Variants in SPTA1 observed in about 807,000 individuals in gnomAD.
SPTA1 encodes spectrin alpha chain, erythrocytic 1.
A neutral mutation model predicts 324.7 loss-of-function variants in SPTA1; 177 were observed. The ratio of observed to expected loss-of-function variants is 0.55; its 90% CI spans 0.48 to 0.62. The LOEUF (loss-of-function observed/expected upper bound fraction) is 0.62. SPTA1 is among the 20% of genes least tolerant of loss of function. SPTA1 has a pLI of 0.00. For synonymous variants in SPTA1, 1,195 were observed against 1,041.3 expected (o/e 1.15, Z -2.84); for missense variants, 3,162 against 2,883.6 (o/e 1.10, Z -2.21).
rs1328366271 is a variant in SPTA1, at chr1:158,627,871, A to G, written c.5566-148T>C. ...AATGCCCACTTTTTCTGGAATAACT[A>G]TACTCAATTGCTTTCTCAAATTCTC... On this transcript the variant is annotated intron_variant, in intron 39 of 51. Transcript: ENST00000643759. 2.4e-5 allele frequency: 18 copies of G among 745,878 alleles called. No individual in the cohort carries two copies. In the South Asian group the frequency reaches 2.6e-4, roughly 11 times the overall value. 46.2% of individuals were successfully genotyped at this position (745,878 alleles called of 1,614,324 possible).
chr1:158,645,119 T>C, intron 29 of SPTA1, 69 bp downstream of exon 29: 1 of 1,539,310 alleles, frequency 6.5e-7, no homozygotes, highest in Non-Finnish European at 9.0e-7. Context: ...GAGCCTGTAA[T>C]GACCATATGA....
In SPTA1 at chr1:158,656,665, A is replaced by G. The variant is rs777841661; in HGVS notation, c.2806-9T>C. The G allele has an allele frequency of 1.9e-6, 3 of 1,607,866 alleles. No homozygotes were observed. Among genetic ancestry groups the G allele is most frequent in the Admixed American group, 1.7e-5 (1 of 60,022 alleles). On this transcript the variant is annotated splice_polypyrimidine_tract_variant and intron_variant, in intron 19 of 51. Transcript: ENST00000643759. ...TGCTTCTTTAGAAGAGCCTGCATTT[A>G]TTGATGGAAGATCATCAGAATGAAT...
At chr1:158,620,147 G>T in intron 44 of SPTA1, 23 bp downstream of exon 44, 1 of 1,613,964 alleles carries the variant, frequency 6.2e-7, no homozygotes, top group Non-Finnish European at 8.5e-7. Flanking sequence ...GTGAAAGGAA[G>T]TTTCTGCCGT....
chr1:158,683,476 T>A lies in SPTA1; in HGVS notation c.285A>T (p.Gln95His). Residue 95 changes from glutamine (Q) to histidine (H), a missense_variant, in exon 3 of 52, where the codon CAA becomes CAT. Physicochemically the swap from Gln to His is conservative, Grantham distance 24. Transcript: ENST00000643759. ...TTGTTTGCACCTCTGCTTCAAGGGA[T>A]TGATGCTTCTGATATTTCCCCTAAA... ...TNIQGKYQKHQSLEAEVQTKS... is the reference protein window; with the variant it reads ...TNIQGKYQKHHSLEAEVQTKS... 1.2e-6 allele frequency: 2 copies of A among 1,613,214 alleles called. No homozygotes were observed. Among genetic ancestry groups the A allele is most frequent in the Non-Finnish European group, 1.7e-6 (2 of 1,179,416 alleles).
intron 36 of SPTA1, among the ~76,000 whole-genome samples, chr1:158,637,145 A>C (rs1340776728): frequency 6.6e-6 from 1 of 152,210 alleles, no homozygotes; most frequent in Non-Finnish European, 1.5e-5. Context: ...TATTAATGTC[A>C]ATAATAAATT....
chr1:158,635,874 A>C, intron 38 of SPTA1, 39 bp downstream of exon 38: 1 of 1,614,024 alleles, frequency 6.2e-7, no homozygotes. Flanking sequence ...CAATATCCAA[A>C]ATCCAGGAAG....
At chr1:158,634,512 A>C (rs1650913647) in intron 39 of SPTA1, 31 bp downstream of exon 39, 2 of 1,612,880 alleles carry the variant, frequency 1.2e-6, no homozygotes, top group Non-Finnish European at 1.7e-6. Flanking sequence ...ATTGAAGAGA[A>C]GAAAATTGAT....
intron 27 of SPTA1, among the ~76,000 whole-genome samples, chr1:158,645,849 T>G (rs1355011822): frequency 6.6e-6 from 1 of 152,192 alleles, no homozygotes; most frequent in Non-Finnish European, 1.5e-5. Context: ...TTCCGGGAAT[T>G]TTTTGTTTTC....
chr1:158,635,518 G>T (rs1026788388), intron 38 of SPTA1, among the ~76,000 whole-genome samples: 2 of 152,058 alleles, frequency 1.3e-5, no homozygotes, highest in Non-Finnish European at 2.9e-5. Flanking sequence ...TTGTGTATGT[G>T]GTTCAAATTG....
At chr1:158,666,206 TATTACTTATTAAGTAATTAATAAGTAATA>T in intron 16 of SPTA1, 81 bp downstream of exon 16, 1 of 1,070,644 alleles carries the variant, frequency 9.3e-7, no homozygotes, top group Non-Finnish European at 1.4e-6. Flanking sequence ...CATTGCTTAT[TATTACTTATTAAGTAATTAATAAGTAATA>T]ATTACTTATT....
rs1376070835 is a variant in SPTA1 at position 158,648,497 on chromosome 1, G to T, written c.3714+12C>A. 5 of 1,613,716 alleles carry T rather than the reference G, an allele frequency of 3.1e-6. No homozygotes were observed. The East Asian group carries it at 6.7e-5, about 22-fold the overall frequency. On this transcript the variant is annotated intron_variant, in intron 26 of 51. Coordinates refer to ENST00000643759, the MANE Select transcript of SPTA1 (RefSeq NM_003126.4). ...GGAAAGTGTTGGAAAAGCTTTGAAG[G>T]ACTTGTCTCACCTTATCTCCCAGGG... is the stretch of plus-strand genomic sequence containing the variant.
rs1652419859 is a variant in SPTA1, at chr1:158,651,405, C to G, written c.3439G>C (p.Glu1147Gln). 6 of 1,613,844 alleles carry G rather than the reference C, an allele frequency of 3.7e-6. No homozygotes were observed. The South Asian group carries it at 6.6e-5, about 18-fold the overall frequency. Residue 1147 changes from glutamate to glutamine, a missense_variant, in exon 24 of 52, where the codon GAA becomes CAA. Coordinates refer to ENST00000643759, the MANE Select transcript of SPTA1 (RefSeq NM_003126.4). ...INKVADDLLF[E>Q]GLLTPEGAQI... Reference sequence around the variant, plus strand: ...GCTCCTTCTGGTGTTAGAAGTCCTTCAAATAGTAGATCATCAGCTACCTTG... The same window carrying G: ...GCTCCTTCTGGTGTTAGAAGTCCTTGAAATAGTAGATCATCAGCTACCTTG...
intron 12 of SPTA1, 131 bp downstream of exon 12, chr1:158,671,212 G>A: frequency 1.4e-6 from 1 of 706,648 alleles, no homozygotes; most frequent in Non-Finnish European, 2.6e-6. Flanking sequence ...AAGAAGAGAT[G>A]CAACTTGATT....
intron 2 of SPTA1, among the ~76,000 whole-genome samples, chr1:158,684,588 T>A (rs1655038102): frequency 6.6e-6 from 1 of 152,132 alleles, no homozygotes; most frequent in South Asian, 2.1e-4. Context: ...GAGGCAGAAT[T>A]ACTGTTTCTA....
intron 8 of SPTA1, 71 bp from the exon 9 acceptor site, chr1:158,674,746 G>A: frequency 6.3e-7 from 1 of 1,597,624 alleles, no homozygotes; most frequent in East Asian, 2.2e-5. Flanking sequence ...AAAGATTTAG[G>A]TTTGGGGTGA....
intron 26 of SPTA1, 54 bp from the exon 27 acceptor site, chr1:158,647,774 G>A: frequency 6.2e-7 from 1 of 1,600,204 alleles, no homozygotes; most frequent in South Asian, 1.1e-5. Context: ...CTGAATCTTA[G>A]CAAAAGGAGA....
At chr1:158,658,663 T>G (rs10047207) in intron 18 of SPTA1, among the ~76,000 whole-genome samples, 13,351 of 152,060 alleles carry the variant, frequency 0.088, 1,940 homozygotes, top group African/African-American at 0.3. Context: ...CCGAGCTGAA[T>G]AAACAAGGAA....
At chr1:158,675,791 G>C (rs988989782) in intron 8 of SPTA1, among the ~76,000 whole-genome samples, 3 of 152,110 alleles carry the variant, frequency 2.0e-5, no homozygotes, top group Admixed American at 2.0e-4. Context: ...CTGGACAAAG[G>C]AATGATTCAT....
At chr1:158,633,676 A>G (rs916994695) in intron 39 of SPTA1, among the ~76,000 whole-genome samples, 20 of 151,274 alleles carry the variant, frequency 1.3e-4, no homozygotes, top group Admixed American at 9.2e-4. Flanking sequence ...AAAAAAAAAA[A>G]AAGAAAAGAA....
Sources: gnomAD v4.1 joint callset for allele counts (sites outside exome capture counted in the v4.1 genomes callset) on GRCh38, gnomAD v4.1.1 for gene constraint, MANE v1.5 for transcripts, NCBI Gene and HGNC (gene_info 2026-07-23, HGNC 2026-07-21) for gene names.